CDH4: variants seen among roughly 807,000 people sequenced by gnomAD.
CDH4 encodes the protein cadherin-4.
Under a neutral mutation model 86.0 loss-of-function variants are expected in CDH4, and 33 were observed. The observed-to-expected ratio is 0.38, with a 90% CI of 0.29 to 0.51. CDH4 has a LOEUF of 0.51. Among genes scored for constraint, CDH4 ranks in the 20% least tolerant of loss-of-function variants. CDH4 has a pLI of 0.86. For synonymous variants in CDH4, 555 were observed against 549.4 expected, an observed-to-expected ratio of 1.01 and a Z score of -0.14; for missense variants, 1,114 against 1,307.4, an observed-to-expected ratio of 0.85 and a Z score of 2.28.
intron 2 of CDH4, among the ~76,000 whole-genome samples, chr20:61,652,245 A>T: frequency 6.6e-6 from 1 of 152,240 alleles, no homozygotes; most frequent in East Asian, 1.9e-4. Flanking sequence ...ACGTGAAACT[A>T]TGGTGACACC....
intron 2 of CDH4, among the ~76,000 whole-genome samples, chr20:61,540,443 T>C (rs2086031873): frequency 6.6e-6 from 1 of 152,128 alleles, no homozygotes; most frequent in Non-Finnish European, 1.5e-5. Flanking sequence ...TGATATCTGA[T>C]TCCTGGAAAA....
intron 2 of CDH4, among the ~76,000 whole-genome samples, chr20:61,687,771 T>C (rs901357572): frequency 6.6e-6 from 1 of 152,182 alleles, no homozygotes; most frequent in Admixed American, 6.5e-5. Context: ...AAAAATTTAT[T>C]TTAAAAAACC....
At chr20:61,731,378 C>A (rs75479672) in intron 2 of CDH4, among the ~76,000 whole-genome samples, 344 of 152,302 alleles carry the variant, frequency 2.3e-3, no homozygotes, top group African/African-American at 8.0e-3. Flanking sequence ...CTGAGCACAG[C>A]CCTGCAGCCC....
intron 2 of CDH4, among the ~76,000 whole-genome samples, chr20:61,523,301 C>T (rs2085886331): frequency 6.6e-6 from 1 of 152,268 alleles, no homozygotes. Flanking sequence ...GCGGCACTGC[C>T]AGCGGGCCCA....
chr20:61,857,768 C>A (rs556343817), intron 6 of CDH4, among the ~76,000 whole-genome samples: 4 of 152,402 alleles, frequency 2.6e-5, no homozygotes, highest in East Asian at 3.9e-4. Context: ...CCAGCCTCCC[C>A]CAAGGGTGAT....
At chr20:61,527,886 C>T (rs1299511063) in intron 2 of CDH4, among the ~76,000 whole-genome samples, 2 of 152,090 alleles carry the variant, frequency 1.3e-5, no homozygotes, top group Non-Finnish European at 2.9e-5. Flanking sequence ...GTTCCCAGAA[C>T]CCGGGGCACC....
Position 61,532,212 on chromosome 20 carries a change from C to T in CDH4, c.170-211351C>T, listed in dbSNP as rs536262388. On this transcript the variant is annotated intron_variant, in intron 2 of 15. Transcript: ENST00000614565. ...CCCACAAAAGGGGCCACCCAGGAGG[C>T]ACCCAAGCCCTGAGCACCGTGAGTT... Among the ~76,000 whole-genome samples the T allele has an allele frequency of 2.6e-4, 40 of 152,352 alleles. No individual in the cohort carries two copies. The South Asian group carries it at 7.7e-3, about 29-fold the overall frequency.
chr20:61,374,264 A>T (rs2069416743), intron 2 of CDH4, among the ~76,000 whole-genome samples: 1 of 152,118 alleles, frequency 6.6e-6, no homozygotes, highest in African/African-American at 2.4e-5. Context: ...GTGAAGCTGG[A>T]CCAGGGGCCG....
intron 7 of CDH4, 61 bp from the exon 8 acceptor site, chr20:61,894,849 C>G: frequency 6.5e-7 from 1 of 1,541,334 alleles, no homozygotes; most frequent in Non-Finnish European, 8.8e-7. Flanking sequence ...TTGATAAGTG[C>G]CCTGTCAATT....
chr20:61,762,434 G>T (rs958047501), intron 3 of CDH4, among the ~76,000 whole-genome samples: 1 of 152,166 alleles, frequency 6.6e-6, no homozygotes, highest in Admixed American at 6.5e-5. Flanking sequence ...GGAGACATTT[G>T]CCACCTCTAT....
At chr20:61,841,203 C>T (rs1982150377) in intron 4 of CDH4, among the ~76,000 whole-genome samples, 2 of 152,246 alleles carry the variant, frequency 1.3e-5, no homozygotes, top group Admixed American at 1.3e-4. Flanking sequence ...GCTCCCAGTG[C>T]CCTTCTCCTA....
intron 2 of CDH4, among the ~76,000 whole-genome samples, chr20:61,674,313 A>T (rs1600862415): frequency 6.6e-6 from 1 of 152,328 alleles, no homozygotes; most frequent in East Asian, 1.9e-4. Context: ...AGCAGGAGTC[A>T]CAGCATGTTG....
intron 3 of CDH4, 38 bp from the exon 4 acceptor site, chr20:61,772,963 CTG>C: frequency 6.4e-7 from 1 of 1,573,372 alleles, no homozygotes; most frequent in African/African-American, 1.3e-5. Context: ...CAAAACCTAA[CTG>C]GACTTCTCTG....
rs532023785 is a variant in CDH4, at chr20:61,533,367, G to A, written c.170-210196G>A. Among the ~76,000 whole-genome samples, 247 of 152,346 alleles carry A rather than the reference G, an allele frequency of 1.6e-3. 1 individual carries two copies. The highest frequency in any genetic ancestry group is 5.7e-3 in the African/African-American group (238 of 41,588). On this transcript the variant is annotated intron_variant, in intron 2 of 15. Transcript: ENST00000614565. ...CGAGCCTGCAGGGGCCCCTGGTCAAGTGGGTGTGGCTGCAACCCGCTGATG... is the reference window on the plus strand; with the variant it reads ...CGAGCCTGCAGGGGCCCCTGGTCAAATGGGTGTGGCTGCAACCCGCTGATG...
intron 2 of CDH4, among the ~76,000 whole-genome samples, chr20:61,272,093 A>G (rs2084186556): frequency 6.6e-6 from 1 of 152,198 alleles, no homozygotes; most frequent in Non-Finnish European, 1.5e-5. Flanking sequence ...AGAAGCCCCA[A>G]GAAGAGTTTT....
intron 4 of CDH4, among the ~76,000 whole-genome samples, chr20:61,785,043 C>G (rs1383082696): frequency 2.0e-5 from 3 of 152,228 alleles, no homozygotes; most frequent in Non-Finnish European, 4.4e-5. Flanking sequence ...CGCTTGGGCA[C>G]TGGGGGCTTC....
intron 2 of CDH4, among the ~76,000 whole-genome samples, chr20:61,527,672 C>A (rs1235364058): frequency 1.3e-5 from 2 of 152,164 alleles, no homozygotes; most frequent in Non-Finnish European, 2.9e-5. Flanking sequence ...GCAAAGCATG[C>A]GTGCTGTTTT....
chr20:61,870,591 T>C (rs2146144109), intron 6 of CDH4, among the ~76,000 whole-genome samples: 1 of 152,298 alleles, frequency 6.6e-6, no homozygotes, highest in East Asian at 1.9e-4. Flanking sequence ...GCGACAGGCA[T>C]GTGGATCCTC....
chr20:61,590,893 G>A lies in CDH4; in HGVS notation c.170-152670G>A, dbSNP rs113729869. ...TAAATCTATGGGGGGGGGGGTCCCC[G>A]GGTCTCCAGGCTCCAGCTCCATGTG... On this transcript the variant is annotated intron_variant, in intron 2 of 15. Coordinates refer to ENST00000614565, the MANE Select transcript of CDH4 (RefSeq NM_001794.5). Among the ~76,000 whole-genome samples, 561 of 138,098 alleles carry A rather than the reference G, an allele frequency of 4.1e-3. 11 individuals are homozygous for A. The highest frequency in any genetic ancestry group is 0.014 in the African/African-American group (535 of 37,910). 90.6% of individuals were successfully genotyped at this position (138,098 alleles called of 152,430 possible). A position where few individuals can be genotyped will look rare whatever the true frequency, so the allele number is the denominator to read the frequency against.
Sources: allele counts gnomAD v4.1 joint callset (sites outside exome capture counted in the v4.1 genomes callset), GRCh38; gene constraint gnomAD v4.1.1; transcripts MANE v1.5; gene names NCBI Gene and HGNC (gene_info 2026-07-23, HGNC 2026-07-21).